ADAMTSL1: variants seen among roughly 807,000 people sequenced by gnomAD.
ADAMTSL1 encodes ADAMTS like 1, also known as ADAMTS-like protein 1.
Under a neutral mutation model 201.8 loss-of-function variants are expected in ADAMTSL1, and 126 were observed. The observed-to-expected ratio is 0.62, with a 90% confidence interval of 0.54 to 0.72. ADAMTSL1 has a LOEUF of 0.72. Among genes scored for constraint, ADAMTSL1 ranks in the 30% least tolerant of loss-of-function variants. The pLI, the probability that ADAMTSL1 is intolerant of heterozygous loss-of-function variation, is 0.00. For missense variants in ADAMTSL1, 2,679 were observed against 2,277.8 expected (o/e 1.18, Z -3.59); for synonymous variants, 1,121 against 903.4 (o/e 1.24, Z -4.32).
At chr9:17,923,639 T>C (rs1826398773) in intron 1 of ADAMTSL1, among the ~76,000 whole-genome samples, 1 of 105,672 alleles carries the variant, frequency 9.5e-6, no homozygotes, top group Non-Finnish European at 1.9e-5. Context: ...CTAATTGCCC[T>C]GGCCAGAACT....
intron 2 of ADAMTSL1, among the ~76,000 whole-genome samples, chr9:18,514,067 T>C (rs1463702518): frequency 2.0e-5 from 3 of 152,190 alleles, no homozygotes; most frequent in African/African-American, 7.2e-5. Context: ...ATTGTATCTA[T>C]AGATCACATT....
intron 26 of ADAMTSL1, among the ~76,000 whole-genome samples, chr9:18,904,975 A>C (rs1184122579): frequency 6.6e-6 from 1 of 152,068 alleles, no homozygotes; most frequent in Non-Finnish European, 1.5e-5. Flanking sequence ...AAAGCCAATA[A>C]ACACAAAACT....
rs531489577 is a variant in ADAMTSL1, at chr9:18,067,877, C to T, written c.88-95985C>T. On this transcript the variant is annotated intron_variant, in intron 1 of 29. Transcript: ENST00000680146. ...TAAGAGGGTTCTTTTCTAGAGCCTC[C>T]TGGTAAGCTCCTCTGTAGCTCTCCT... is the stretch of plus-strand genomic sequence containing the variant. Among the ~76,000 whole-genome samples the T allele has an allele frequency of 3.3e-5, 5 of 152,208 alleles. No individual in the cohort carries two copies. The South Asian group carries it at 6.2e-4, about 19-fold the overall frequency.
chr9:18,649,120 C>G (rs990622565), intron 7 of ADAMTSL1, among the ~76,000 whole-genome samples: 2 of 152,046 alleles, frequency 1.3e-5, no homozygotes, highest in Admixed American at 1.3e-4. Context: ...CTTCCTTTCT[C>G]GCTTCATTTC....
chr9:18,905,703 A>G (rs1037451531), intron 26 of ADAMTSL1, 79 bp from the exon 27 acceptor site: 2 of 1,096,928 alleles, frequency 1.8e-6, no homozygotes, highest in Non-Finnish European at 2.7e-6. Context: ...AGGATCGTGC[A>G]TGCCATGCAG....
At chr9:18,617,418 A>T (rs1825759910) in intron 4 of ADAMTSL1, among the ~76,000 whole-genome samples, 1 of 147,336 alleles carries the variant, frequency 6.8e-6, no homozygotes, top group Non-Finnish European at 1.5e-5. Context: ...TGCAGGCCTG[A>T]TGCCTAAAAT....
chr9:18,710,468 T>C (rs1832497348), intron 14 of ADAMTSL1, among the ~76,000 whole-genome samples: 1 of 152,168 alleles, frequency 6.6e-6, no homozygotes, highest in African/African-American at 2.4e-5. Context: ...CAGATTAGAA[T>C]GTAGTAACTC....
intron 2 of ADAMTSL1, among the ~76,000 whole-genome samples, chr9:18,310,466 A>C (rs762680395): frequency 8.6e-5 from 13 of 151,554 alleles, no homozygotes; most frequent in Non-Finnish European, 1.8e-4. Context: ...CCATCTAACA[A>C]AGGACTAATA....
In ADAMTSL1 at chr9:18,285,622, C is replaced by T. The variant is rs536829957; in HGVS notation, c.207+121641C>T. ...TTTTTTTAAAATTATATATAAGGAA[C>T]CTTGTTGTGGCGGGGTGTTGACACT... On this transcript the variant is annotated intron_variant, in intron 2 of 29. Coordinates refer to the ADAMTSL1 transcript ENST00000680146. Among the ~76,000 whole-genome samples, 5 of 151,996 alleles carry T rather than the reference C, an allele frequency of 3.3e-5. No homozygotes were observed. In the South Asian group the frequency reaches 8.3e-4, roughly 25 times the overall value.
At chr9:18,526,340 A>G (rs1037090789) in intron 2 of ADAMTSL1, among the ~76,000 whole-genome samples, 2 of 152,216 alleles carry the variant, frequency 1.3e-5, no homozygotes, top group Admixed American at 1.3e-4. Flanking sequence ...GTCTCTGCAC[A>G]TGAGATGGGT....
intron 2 of ADAMTSL1, among the ~76,000 whole-genome samples, chr9:18,180,426 G>C (rs1434754656): frequency 4.0e-5 from 6 of 151,210 alleles, no homozygotes; most frequent in Admixed American, 2.0e-4. Context: ...CCAGCTACTT[G>C]GGAGGCTGAG....
rs374811326 is a variant in ADAMTSL1, at chr9:18,777,701, C to G, written c.3472C>G (p.Arg1158Gly). Residue 1158 changes from arginine to glycine, a missense_variant, in exon 19 of 29, where the codon CGA becomes GGA. Physicochemically the swap from Arg to Gly is moderately radical, Grantham distance 125 (BLOSUM62 -2). Transcript: ENST00000380548. ...SSTGDAGGGS[R>G]RPHRKPTILR... ...CACCGGGGACGCCGGGGGAGGCTCT[C>G]GAAGGCCACACCGCAAGCCCACCAT... The G allele has an allele frequency of 1.2e-6, 2 of 1,613,314 alleles. No homozygotes were observed. The highest frequency in any genetic ancestry group is 1.1e-5 in the South Asian group (1 of 91,004).
chr9:18,727,023 A>T (rs1303281074), intron 15 of ADAMTSL1, among the ~76,000 whole-genome samples: 1 of 152,210 alleles, frequency 6.6e-6, no homozygotes, highest in South Asian at 2.1e-4. Flanking sequence ...AAGGTCACAG[A>T]GTCTTCTCTT....
At chr9:17,953,194 A>G (rs1563916763) in intron 1 of ADAMTSL1, among the ~76,000 whole-genome samples, 1 of 152,150 alleles carries the variant, frequency 6.6e-6, no homozygotes, top group Non-Finnish European at 1.5e-5. Context: ...CAGCTGTCAC[A>G]AGGACATTTG....
intron 9 of ADAMTSL1, among the ~76,000 whole-genome samples, chr9:18,669,580 C>G (rs1332485734): frequency 2.6e-5 from 4 of 151,956 alleles, no homozygotes; most frequent in African/African-American, 9.7e-5. Context: ...GAATATTTTC[C>G]GATTTATGGG....
chr9:17,926,476 A>G (rs1184178314), intron 1 of ADAMTSL1, among the ~76,000 whole-genome samples: 3 of 152,138 alleles, frequency 2.0e-5, no homozygotes, highest in Non-Finnish European at 4.4e-5. Context: ...CGGCAGCTCC[A>G]TCTCAACCCG....
intron 14 of ADAMTSL1, among the ~76,000 whole-genome samples, chr9:18,717,400 A>G (rs1354367705): frequency 1.3e-5 from 2 of 152,052 alleles, no homozygotes; most frequent in African/African-American, 4.8e-5. Flanking sequence ...AGACAAGATC[A>G]CTGTCTCCAT....
chr9:18,433,379 C>A (rs1012201666), intron 2 of ADAMTSL1, among the ~76,000 whole-genome samples: 1 of 152,066 alleles, frequency 6.6e-6, no homozygotes, highest in Non-Finnish European at 1.5e-5. Flanking sequence ...CATATTTCCT[C>A]AGGCCTAGAT....
At chr9:18,395,067 A>G (rs1164252283) in intron 2 of ADAMTSL1, among the ~76,000 whole-genome samples, 3 of 152,096 alleles carry the variant, frequency 2.0e-5, no homozygotes, top group African/African-American at 7.2e-5. Context: ...TAAATAGTGC[A>G]TTTTTCAGGA....
Sources: allele counts gnomAD v4.1 joint callset (sites outside exome capture counted in the v4.1 genomes callset), GRCh38; gene constraint gnomAD v4.1.1; transcripts MANE v1.5; gene names NCBI Gene and HGNC (gene_info 2026-07-23, HGNC 2026-07-21).